ZBTB20: variants seen among roughly 807,000 people sequenced by gnomAD.
ZBTB20 encodes zinc finger and BTB domain-containing protein 20.
In ZBTB20, 9 loss-of-function variants were observed where a neutral mutation model predicts 56.9. The ratio of observed to expected loss-of-function variants is 0.16; its 90% CI spans 0.10 to 0.28. ZBTB20 has a LOEUF of 0.28. ZBTB20 is among the 10% of genes least tolerant of loss of function. The pLI is 1.00. For synonymous variants in ZBTB20, 417 were observed against 420.7 expected, an observed-to-expected ratio of 0.99 and a Z score of 0.11; for missense variants, 655 against 1,003.0, an observed-to-expected ratio of 0.65 and a Z score of 4.69.
At chr3:114,772,039 C>A (rs2069246666) in intron 5 of ZBTB20, among the ~76,000 whole-genome samples, 1 of 152,118 alleles carries the variant, frequency 6.6e-6, no homozygotes, top group Non-Finnish European at 1.5e-5. Flanking sequence ...CTGTTTCCTG[C>A]ATTTATCTCA....
chr3:115,045,497 T>C (rs1215626358), intron 2 of ZBTB20, among the ~76,000 whole-genome samples: 5 of 151,892 alleles, frequency 3.3e-5, no homozygotes, highest in Non-Finnish European at 5.9e-5. Flanking sequence ...CTTTCTACAA[T>C]TAATTTATTA....
chr3:114,381,255 T>C (rs1371781420), intron 8 of ZBTB20, among the ~76,000 whole-genome samples: 4 of 152,180 alleles, frequency 2.6e-5, no homozygotes, highest in African/African-American at 4.8e-5. Context: ...TTTGATTTGG[T>C]GCATCGTCCT....
intron 2 of ZBTB20, among the ~76,000 whole-genome samples, chr3:115,069,097 A>C (rs970234578): frequency 2.6e-5 from 4 of 152,142 alleles, no homozygotes; most frequent in African/African-American, 9.6e-5. Flanking sequence ...ATTCAGAAAG[A>C]AAGCAGGTAA....
intron 6 of ZBTB20, among the ~76,000 whole-genome samples, chr3:114,599,693 C>T (rs143452736): frequency 5.9e-5 from 9 of 151,970 alleles, no homozygotes; most frequent in Middle Eastern, 3.4e-3. Flanking sequence ...CCAAAAATAC[C>T]TCTATTATTA....
chr3:114,549,476 C>T (rs751158749), intron 6 of ZBTB20, among the ~76,000 whole-genome samples: 1 of 152,062 alleles, frequency 6.6e-6, no homozygotes, highest in Non-Finnish European at 1.5e-5. Context: ...GGTAATATTA[C>T]TGGTACCACA....
chr3:114,871,056 GAGAAGA>G (rs10576304), intron 4 of ZBTB20, among the ~76,000 whole-genome samples: 1 of 151,750 alleles, frequency 6.6e-6, no homozygotes, highest in Non-Finnish European at 1.5e-5. Flanking sequence ...GGAAGAGAAT[GAGAAGA>G]AGAAGTCTTT....
intron 3 of ZBTB20, among the ~76,000 whole-genome samples, chr3:114,972,909 T>A (rs1257556399): frequency 1.3e-5 from 2 of 152,030 alleles, no homozygotes; most frequent in Non-Finnish European, 2.9e-5. Context: ...ATTCTTAGTA[T>A]GGTAACTTAA....
intron 7 of ZBTB20, among the ~76,000 whole-genome samples, chr3:114,456,149 T>C (rs1285976217): frequency 1.3e-5 from 2 of 152,148 alleles, no homozygotes; most frequent in African/African-American, 4.8e-5. Context: ...AATGGAAATA[T>C]AATTACATAT....
chr3:115,112,830 AAT>A (rs2083917284), intron 1 of ZBTB20, among the ~76,000 whole-genome samples: 1 of 152,114 alleles, frequency 6.6e-6, no homozygotes, highest in Non-Finnish European at 1.5e-5. Flanking sequence ...GAGAGATTGC[AAT>A]AGAGAGATCT....
chr3:114,970,825 C>T (rs1379221648), intron 3 of ZBTB20, among the ~76,000 whole-genome samples: 2 of 152,136 alleles, frequency 1.3e-5, no homozygotes, highest in Non-Finnish European at 2.9e-5. Context: ...ACCATCCTGG[C>T]TAACGCGGTG....
At chr3:114,858,953 T>G (rs1576132464) in intron 4 of ZBTB20, among the ~76,000 whole-genome samples, 1 of 152,172 alleles carries the variant, frequency 6.6e-6, no homozygotes, top group Non-Finnish European at 1.5e-5. Flanking sequence ...AACCATAAAC[T>G]GAATTACATT....
chr3:115,028,063 CAAG>C (rs1240451715), intron 2 of ZBTB20, among the ~76,000 whole-genome samples: 1 of 150,666 alleles, frequency 6.6e-6, no homozygotes, highest in Non-Finnish European at 1.5e-5. Flanking sequence ...CATTATTTTT[CAAG>C]AATACATGTA....
intron 4 of ZBTB20, among the ~76,000 whole-genome samples, chr3:114,882,742 G>C (rs1187994154): frequency 1.3e-5 from 2 of 151,982 alleles, no homozygotes; most frequent in African/African-American, 2.4e-5. Flanking sequence ...TTAAATTAAA[G>C]GTATATAGAC....
At chr3:114,444,210 T>C (rs2091116064) in intron 7 of ZBTB20, among the ~76,000 whole-genome samples, 1 of 152,190 alleles carries the variant, frequency 6.6e-6, no homozygotes, top group Non-Finnish European at 1.5e-5. Context: ...GAAATACTTC[T>C]TTCCAAAAGA....
chr3:114,530,546 G>A (rs1307329214), intron 6 of ZBTB20, among the ~76,000 whole-genome samples: 1 of 152,136 alleles, frequency 6.6e-6, no homozygotes, highest in Non-Finnish European at 1.5e-5. Flanking sequence ...AGCAATGTGT[G>A]ACTACATTTT....
chr3:114,454,175 GGAGA>G (rs71146322), intron 7 of ZBTB20, among the ~76,000 whole-genome samples: 2,548 of 116,650 alleles, frequency 0.022, 30 homozygotes, highest in African/African-American at 0.025. Context: ...AAAAGAGAAG[GGAGA>G]GAGAGAGAGA....
At chr3:114,825,096 CA>C (rs1425530314) in intron 4 of ZBTB20, among the ~76,000 whole-genome samples, 7 of 152,004 alleles carry the variant, frequency 4.6e-5, no homozygotes, top group African/African-American at 1.7e-4. Context: ...TCTTTACTGA[CA>C]GAAATTCAGA....
intron 1 of ZBTB20, among the ~76,000 whole-genome samples, chr3:115,075,648 C>T (rs971441702): frequency 1.3e-5 from 2 of 152,060 alleles, no homozygotes; most frequent in Non-Finnish European, 2.9e-5. Context: ...ACATGATAAG[C>T]ACATATATGA....
chr3:114,448,961 G>A (rs2091437846), intron 7 of ZBTB20, among the ~76,000 whole-genome samples: 2 of 152,026 alleles, frequency 1.3e-5, no homozygotes, highest in African/African-American at 4.8e-5. Context: ...ATATATACCT[G>A]CCCAGGTATT....
Sources: allele counts gnomAD v4.1 joint callset (sites outside exome capture counted in the v4.1 genomes callset), GRCh38; gene constraint gnomAD v4.1.1; transcripts MANE v1.5; gene names NCBI Gene and HGNC (gene_info 2026-07-23, HGNC 2026-07-21).